PRKCH: variants seen among roughly 807,000 people sequenced by gnomAD.
PRKCH encodes protein kinase C eta.
A neutral mutation model predicts 82.5 loss-of-function variants in PRKCH; 28 were observed. That is an observed-to-expected ratio of 0.34 (90% CI 0.25 to 0.47). PRKCH has a LOEUF of 0.47. Among genes scored for constraint, PRKCH ranks in the 20% least tolerant of loss-of-function variants. The pLI is 1.00. For synonymous variants in PRKCH, 322 were observed against 327.4 expected, an observed-to-expected ratio of 0.98 and a Z score of 0.18; for missense variants, 705 against 881.8, an observed-to-expected ratio of 0.80 and a Z score of 2.54.
At chr14:61,399,677 GT>G (rs776050619) in intron 2 of PRKCH, among the ~76,000 whole-genome samples, 1 of 152,144 alleles carries the variant, frequency 6.6e-6, no homozygotes, top group Non-Finnish European at 1.5e-5. Flanking sequence ...TTTTAAGGTA[GT>G]TTCCTAAAAG....
At chr14:61,334,210 C>T (rs1410036560) in intron 1 of PRKCH, among the ~76,000 whole-genome samples, 3 of 152,112 alleles carry the variant, frequency 2.0e-5, no homozygotes, top group Non-Finnish European at 4.4e-5. Flanking sequence ...TAAGTATCTA[C>T]CTTGTGCCTG....
chr14:61,193,490 A>C (rs1391729383), intron 1 of PRKCH, among the ~76,000 whole-genome samples: 8 of 152,156 alleles, frequency 5.3e-5, no homozygotes, highest in Admixed American at 5.2e-4. Context: ...CTTTGTATTA[A>C]GATTAATGTA....
intron 1 of PRKCH, chr14:61,326,845 C>T: frequency 1.5e-5 from 3 of 201,714 alleles, no homozygotes; most frequent in African/African-American, 2.3e-5. Context: ...AGTTTTTTTT[C>T]TGCTGCTTCT....
At chr14:61,351,083 A>G (rs996017485) in intron 1 of PRKCH, among the ~76,000 whole-genome samples, 2 of 152,208 alleles carry the variant, frequency 1.3e-5, no homozygotes, top group Non-Finnish European at 2.9e-5. Context: ...ATCATTTCAT[A>G]TAACGTTAAG....
At chr14:61,544,961 T>C (rs1205192117) in intron 12 of PRKCH, 1 of 152,250 alleles carries the variant, frequency 6.6e-6, no homozygotes, top group Non-Finnish European at 1.5e-5. Context: ...GTTGCTGAAC[T>C]TGTCATGTGT....
At chr14:61,342,060 C>T (rs987353220) in intron 1 of PRKCH, among the ~76,000 whole-genome samples, 1 of 152,086 alleles carries the variant, frequency 6.6e-6, no homozygotes, top group Non-Finnish European at 1.5e-5. Context: ...TTGCATGGGG[C>T]TGACCTTGTG....
intron 1 of PRKCH, among the ~76,000 whole-genome samples, chr14:61,327,442 T>C (rs1287199513): frequency 1.3e-5 from 2 of 152,154 alleles, no homozygotes; most frequent in African/African-American, 4.8e-5. Flanking sequence ...AGAGGAAAAA[T>C]ATATTTTAGA....
At chr14:61,491,642 A>G (rs1244763426) in intron 10 of PRKCH, among the ~76,000 whole-genome samples, 2 of 152,218 alleles carry the variant, frequency 1.3e-5, no homozygotes, top group African/African-American at 2.4e-5. Context: ...GAGAGCTCAG[A>G]GCTTTCCAGC....
chr14:61,330,705 A>G (rs2045773180), intron 1 of PRKCH, among the ~76,000 whole-genome samples: 1 of 151,974 alleles, frequency 6.6e-6, no homozygotes, highest in Non-Finnish European at 1.5e-5. Context: ...TTTGCCACAG[A>G]CCCCTCCACT....
intron 1 of PRKCH, among the ~76,000 whole-genome samples, chr14:61,285,700 CAAAACT>C (rs2045308897): frequency 6.6e-6 from 1 of 152,184 alleles, no homozygotes; most frequent in African/African-American, 2.4e-5. Flanking sequence ...AGAACTGATG[CAAAACT>C]AAGATTCAAG....
chr14:61,283,251 C>A (rs138429401), intron 1 of PRKCH, among the ~76,000 whole-genome samples: 4 of 152,270 alleles, frequency 2.6e-5, no homozygotes, highest in East Asian at 3.9e-4. Context: ...GAGCTCAGAG[C>A]CTTTCCTCCT....
At chr14:61,305,460 A>G (rs2140106818) in intron 1 of PRKCH, 1 of 151,864 alleles carries the variant, frequency 6.6e-6, no homozygotes, top group South Asian at 2.1e-4. Flanking sequence ...CACCATGCTT[A>G]GCCTTAGGAC....
At chr14:61,527,283 C>T (rs974624917) in intron 10 of PRKCH, among the ~76,000 whole-genome samples, 7 of 132,170 alleles carry the variant, frequency 5.3e-5, no homozygotes, top group Non-Finnish European at 1.0e-4. Flanking sequence ...ATAATCTAGG[C>T]TTCTTGTGCA....
At chr14:61,542,581 C>G (rs1175800574) in intron 12 of PRKCH, among the ~76,000 whole-genome samples, 27 of 152,158 alleles carry the variant, frequency 1.8e-4, no homozygotes. Flanking sequence ...ACTACTGGAG[C>G]CTAGGACAGT....
chr14:61,298,374 C>T (rs1312726495), intron 1 of PRKCH: 2 of 152,182 alleles, frequency 1.3e-5, no homozygotes, highest in East Asian at 1.9e-4. Flanking sequence ...CAGGGAATGC[C>T]GCCGTCATCA....
At chr14:61,423,267 G>A (rs1882950812) in intron 2 of PRKCH, among the ~76,000 whole-genome samples, 1 of 152,034 alleles carries the variant, frequency 6.6e-6, no homozygotes, top group Non-Finnish European at 1.5e-5. Context: ...TAATCTGCAG[G>A]GATACACTAA....
At chr14:61,242,935 T>G (rs2044851876) in intron 1 of PRKCH, among the ~76,000 whole-genome samples, 1 of 152,172 alleles carries the variant, frequency 6.6e-6, no homozygotes, top group African/African-American at 2.4e-5. Context: ...GAATGCAGCA[T>G]CCATCATTCC....
At chr14:61,385,819 T>C (rs759171822) in intron 1 of PRKCH, among the ~76,000 whole-genome samples, 9 of 152,262 alleles carry the variant, frequency 5.9e-5, no homozygotes, top group Non-Finnish European at 1.0e-4. Flanking sequence ...AGGGTCTCCT[T>C]TGGGGACAGG....
chr14:61,231,829 A>G (rs554801319), intron 1 of PRKCH, among the ~76,000 whole-genome samples: 1 of 152,178 alleles, frequency 6.6e-6, no homozygotes, highest in Admixed American at 6.5e-5. Context: ...GGGTGTGATG[A>G]TGTTGAAAAA....
Sources: allele counts gnomAD v4.1 joint callset (sites outside exome capture counted in the v4.1 genomes callset), GRCh38; gene constraint gnomAD v4.1.1; transcripts MANE v1.5; gene names NCBI Gene and HGNC (gene_info 2026-07-23, HGNC 2026-07-21).